The following CCDC30 variants were observed in gnomAD, a reference collection of about 807,000 sequenced individuals.
CCDC30 encodes the protein coiled-coil domain containing 30, also known as coiled-coil domain-containing protein 30.
CCDC30 carries 70 observed loss-of-function variants against 100.2 expected under a neutral mutation model. The observed-to-expected ratio is 0.70, with a 90% CI of 0.58 to 0.85. CCDC30 has a LOEUF of 0.85. CCDC30 is among the 40% of genes least tolerant of loss of function. CCDC30 has a pLI of 0.00. For missense variants in CCDC30, 652 were observed against 771.2 expected, an observed-to-expected ratio of 0.85 and a Z score of 1.83; for synonymous variants, 233 against 269.5, an observed-to-expected ratio of 0.86 and a Z score of 1.33.
chr1:42,598,083 G>A (rs1329888435), intron 10 of CCDC30, among the ~76,000 whole-genome samples: 2 of 149,610 alleles, frequency 1.3e-5, no homozygotes, highest in African/African-American at 4.9e-5. Context: ...TGGGAGGATC[G>A]CTTGAGCCCA....
intron 3 of CCDC30, 24 bp downstream of exon 3, chr1:42,482,840 A>G (rs1557796948): frequency 2.4e-6 from 3 of 1,226,458 alleles, no homozygotes; most frequent in Non-Finnish European, 3.1e-6. Context: ...TCAGATGACC[A>G]TTTCCGATCA....
Position 42,618,146 on chromosome 1 carries a change from G to A in CCDC30, c.1277+7056G>A, listed in dbSNP as rs1002661373. On this transcript the variant is annotated intron_variant, in intron 11 of 16. Coordinates refer to ENST00000668663, the Ensembl canonical transcript of CCDC30. ...ACATCAGAGCAACTGTGAACAGCTG[G>A]GAAACCCAGAGGATGACAGGTATAC... Among the ~76,000 whole-genome samples, 7 of 151,812 alleles carry A rather than the reference G, an allele frequency of 4.6e-5. No homozygotes were observed. In the South Asian group the frequency reaches 1.5e-3, roughly 32 times the overall value.
At chr1:42,461,221 G>A (rs1483777170), upstream of CCDC30, among the ~76,000 whole-genome samples, 1 of 152,194 alleles carries the variant, frequency 6.6e-6, no homozygotes, top group Non-Finnish European at 1.5e-5. Context: ...ATTTAATTGA[G>A]AAGATTTGAC....
rs759287188 is a variant in CCDC30 at position 42,653,849 on chromosome 1, G to T, written c.1954G>T (p.Ala652Ser). Residue 652 changes from alanine (A) to serine (S), a missense_variant, in exon 17 of 17, where the codon GCA (alanine) becomes TCA (serine). Ala to Ser is a moderately conservative substitution (Grantham distance 99). Transcript: ENST00000668663. Reference sequence around the variant, plus strand: ...AGGAAAAGGTTTGGTAGAGTCATTTGCAAGTCTTCAAGAGACTGAAGAGAT... The same window carrying T: ...AGGAAAAGGTTTGGTAGAGTCATTTTCAAGTCTTCAAGAGACTGAAGAGAT... 4.3e-6 allele frequency: 7 copies of T among 1,613,974 alleles called. No individual in the cohort carries two copies. In the African/African-American group the frequency reaches 5.3e-5, roughly 12 times the overall value.
intron 8 of CCDC30, among the ~76,000 whole-genome samples, chr1:42,578,506 T>C (rs775122188): frequency 3.3e-5 from 5 of 152,206 alleles, no homozygotes; most frequent in Non-Finnish European, 7.3e-5. Flanking sequence ...TATATGTAGG[T>C]TACTTTACCA....
chr1:42,514,541 C>T (rs1318660909), intron 6 of CCDC30, among the ~76,000 whole-genome samples: 1 of 152,150 alleles, frequency 6.6e-6, no homozygotes, highest in African/African-American at 2.4e-5. Flanking sequence ...TGCATATCTT[C>T]TTTGGTGAAA....
intron 10 of CCDC30, among the ~76,000 whole-genome samples, chr1:42,607,594 T>C (rs372125905): frequency 8.7e-5 from 13 of 149,714 alleles, no homozygotes; most frequent in African/African-American, 3.2e-4. Context: ...AAGAAAATCA[T>C]TGAGGAAATA....
At chr1:42,588,446 G>A (rs1646120267) in intron 9 of CCDC30, among the ~76,000 whole-genome samples, 1 of 152,184 alleles carries the variant, frequency 6.6e-6, no homozygotes, top group African/African-American at 2.4e-5. Context: ...TAAGTGTGTT[G>A]CAGAAGCTTA....
chr1:42,519,832 C>T (rs12401746), intron 6 of CCDC30, among the ~76,000 whole-genome samples: 20,840 of 152,124 alleles, frequency 0.14, 1,571 homozygotes, highest in East Asian at 0.18. Context: ...TGATTACAGG[C>T]GTGAGCCACC....
rs540903738 is a variant in CCDC30, at chr1:42,585,095, A to G, written c.1001+3581A>G. Among the ~76,000 whole-genome samples, 37 of 152,192 alleles carry G rather than the reference A, an allele frequency of 2.4e-4. No homozygotes were observed. The South Asian group carries it at 7.1e-3, about 29-fold the overall frequency. On this transcript the variant is annotated intron_variant, in intron 9 of 16. Coordinates refer to ENST00000668663, the Ensembl canonical transcript of CCDC30. ...AGATATAGGCCAACTTAGATTATCT[A>G]TTTCTCCTTGTGTGAGCTTTCGTAG...
intron 6 of CCDC30, among the ~76,000 whole-genome samples, chr1:42,510,978 C>T (rs1644469370): frequency 6.6e-6 from 1 of 151,920 alleles, no homozygotes; most frequent in African/African-American, 2.4e-5. Context: ...CAAAGGAGTC[C>T]TTGTGCTTCA....
intron 6 of CCDC30, among the ~76,000 whole-genome samples, chr1:42,551,394 A>G (rs1557847045): frequency 6.6e-6 from 1 of 152,194 alleles, no homozygotes; most frequent in Non-Finnish European, 1.5e-5. Flanking sequence ...AAAAAGCAGA[A>G]GCTGGGGGAA....
chr1:42,601,543 C>A (rs1646404710), intron 10 of CCDC30, among the ~76,000 whole-genome samples: 1 of 152,162 alleles, frequency 6.6e-6, no homozygotes, highest in Non-Finnish European at 1.5e-5. Flanking sequence ...TTTTGGGACA[C>A]CCCTAACCAC....
intron 10 of CCDC30, among the ~76,000 whole-genome samples, chr1:42,597,676 C>T (rs1646317142): frequency 6.6e-6 from 1 of 151,878 alleles, no homozygotes; most frequent in Admixed American, 6.6e-5. Flanking sequence ...GTGGTGCACA[C>T]CTGTGGTCCC....
At chr1:42,608,654 G>A (rs976426075) in intron 10 of CCDC30, among the ~76,000 whole-genome samples, 2 of 146,278 alleles carry the variant, frequency 1.4e-5, no homozygotes, top group South Asian at 4.3e-4. Flanking sequence ...GCCGTGAGCC[G>A]AGATCGCGCC....
At chr1:42,602,541 T>A (rs1264532889) in intron 10 of CCDC30, among the ~76,000 whole-genome samples, 1 of 152,206 alleles carries the variant, frequency 6.6e-6, no homozygotes, top group Non-Finnish European at 1.5e-5. Context: ...ACAAATGTGA[T>A]AACCTAAATA....
chr1:42,546,106 A>T (rs566113252), intron 6 of CCDC30, among the ~76,000 whole-genome samples: 2 of 151,516 alleles, frequency 1.3e-5, no homozygotes, highest in Admixed American at 6.6e-5. Context: ...GGCCTGTTAC[A>T]TATGCACAGT....
At chr1:42,572,982 A>G (rs1367145770) in intron 7 of CCDC30, among the ~76,000 whole-genome samples, 1 of 152,186 alleles carries the variant, frequency 6.6e-6, no homozygotes, top group Admixed American at 6.5e-5. Flanking sequence ...CCTTGTGCCA[A>G]TACTATGCTA....
intron 6 of CCDC30, among the ~76,000 whole-genome samples, chr1:42,513,100 G>A (rs1422378477): frequency 1.3e-5 from 2 of 152,168 alleles, no homozygotes; most frequent in Non-Finnish European, 2.9e-5. Context: ...AAGGGAAGTA[G>A]CATCATTGTC....
Sources: gnomAD v4.1 joint callset for allele counts (sites outside exome capture counted in the v4.1 genomes callset) on GRCh38, gnomAD v4.1.1 for gene constraint, MANE v1.5 for transcripts, NCBI Gene and HGNC (gene_info 2026-07-23, HGNC 2026-07-21) for gene names.